Variants in HPS5 observed in about 807,000 individuals in gnomAD.
HPS5 encodes HPS5 biogenesis of lysosomal organelles complex 2 subunit 2, also known as BLOC-2 complex member HPS5.
HPS5 carries 83 observed loss-of-function variants against 128.0 expected under a neutral mutation model. The observed-to-expected ratio is 0.65, with a 90% CI of 0.54 to 0.78. The LOEUF (loss-of-function observed/expected upper bound fraction) is 0.78, where lower values mean the gene tolerates loss of function less well. Among genes scored for constraint, HPS5 ranks in the 30% least tolerant of loss-of-function variants. HPS5 has a pLI of 0.00. For synonymous variants in HPS5, 475 were observed against 470.2 expected (o/e 1.01, Z -0.13); for missense variants, 1,281 against 1,326.2 (o/e 0.97, Z 0.53).
chr11:18,306,817 C>G (rs1862423777), intron 6 of HPS5, among the ~76,000 whole-genome samples: 1 of 152,174 alleles, frequency 6.6e-6, no homozygotes, highest in Non-Finnish European at 1.5e-5. Context: ...CCTCAAAAAC[C>G]CAGGTCCTTC....
chr11:18,315,269 GCACA>G (rs1863478968), intron 2 of HPS5, among the ~76,000 whole-genome samples: 1 of 152,138 alleles, frequency 6.6e-6, no homozygotes, highest in African/African-American at 2.4e-5. Flanking sequence ...TCTCCACCAA[GCACA>G]GAGTGGGACT....
Position 18,279,699 on chromosome 11 carries a change from G to A in HPS5, c.*183C>T, listed in dbSNP as rs1268213574. The stretch of plus-strand genomic sequence containing the variant: ...TACAACTTTGGTTAAGAAACACTGA[G>A]GTCATGGATAAAGAGTCACAGATGC... On this transcript the variant is annotated 3_prime_UTR_variant, in exon 23 of 23. Coordinates refer to ENST00000349215, the MANE Select transcript of HPS5 (RefSeq NM_181507.2). 3.1e-6 allele frequency: 2 copies of A among 639,316 alleles called. No homozygotes were observed. The highest frequency in any genetic ancestry group is 5.6e-6 in the Non-Finnish European group (2 of 355,754). The allele number at this position is 639,316 out of a possible 1,614,324, so 39.6% of individuals were successfully genotyped here. A position where few individuals can be genotyped will look rare whatever the true frequency, so the allele number is the denominator to read the frequency against.
chr11:18,308,035 T>G (rs1862566348), intron 6 of HPS5, among the ~76,000 whole-genome samples: 1 of 152,176 alleles, frequency 6.6e-6, no homozygotes, highest in Non-Finnish European at 1.5e-5. Context: ...TCCTGAGAAA[T>G]ATGATAGCTG....
chr11:18,280,986 C>G (rs547817326), intron 22 of HPS5, among the ~76,000 whole-genome samples: 2 of 151,438 alleles, frequency 1.3e-5, no homozygotes, highest in South Asian at 4.1e-4. Flanking sequence ...CTTAATACCA[C>G]TGAGCTGAAT....
rs138066918 is a variant in HPS5 at position 18,298,923 on chromosome 11, G to C, written c.1033C>G (p.Leu345Val). Residue 345 changes from leucine to valine, a missense_variant, in exon 10 of 23, where the codon CTA (leucine) becomes GTA (valine). Coordinates refer to ENST00000349215, the MANE Select transcript of HPS5 (RefSeq NM_181507.2). ...VCRNELFCLH[L>V]NGKVSHLSLI... ...GAGAGATGTGAGACTTTCCCATTTAGGTGCAAACAGAACAATTCATTCCTA... is the reference window on the plus strand; with the variant it reads ...GAGAGATGTGAGACTTTCCCATTTACGTGCAAACAGAACAATTCATTCCTA... 6.2e-7 allele frequency: 1 copy of C among 1,614,142 alleles called. No individual in the cohort carries two copies. Among genetic ancestry groups the C allele is most frequent in the African/African-American group, 1.3e-5 (1 of 75,030 alleles).
intron 2 of HPS5, among the ~76,000 whole-genome samples, chr11:18,315,514 G>A (rs544894294): frequency 1.3e-5 from 2 of 152,068 alleles, no homozygotes; most frequent in East Asian, 1.9e-4. Flanking sequence ...TCTGGAGGCT[G>A]AGGCACAAGA....
At chr11:18,294,832 A>T (rs1000490514) in intron 14 of HPS5, among the ~76,000 whole-genome samples, 188 bp downstream of exon 14, 3 of 110,046 alleles carry the variant, frequency 2.7e-5, no homozygotes, top group East Asian at 5.0e-4. Flanking sequence ...ATGAGCTATT[A>T]AAAAAAAAAA....
chr11:18,321,536 C>G (rs1368523143), intron 1 of HPS5, among the ~76,000 whole-genome samples: 1 of 152,212 alleles, frequency 6.6e-6, no homozygotes, highest in Admixed American at 6.5e-5. Flanking sequence ...AATGGTAGAG[C>G]TGAGATTAGA....
chr11:18,281,855 G>A (rs1859009421), intron 22 of HPS5, 95 bp downstream of exon 22: 1 of 1,388,322 alleles, frequency 7.2e-7, no homozygotes, highest in South Asian at 1.2e-5. Flanking sequence ...TTAGTGATGG[G>A]TCGGGACTAA....
chr11:18,320,668 TC>T (rs1291169888), intron 1 of HPS5, among the ~76,000 whole-genome samples: 1 of 152,202 alleles, frequency 6.6e-6, no homozygotes, highest in African/African-American at 2.4e-5. Context: ...CATGACATTT[TC>T]CAACCCTCTG....
At chr11:18,305,857 G>A (rs190325044) in intron 7 of HPS5, among the ~76,000 whole-genome samples, 19 of 151,928 alleles carry the variant, frequency 1.3e-4, no homozygotes, top group African/African-American at 4.3e-4. Flanking sequence ...AGCCTCCCGA[G>A]TAGCTGGGAC....
At chr11:18,305,774 C>A (rs1862282487) in intron 7 of HPS5, among the ~76,000 whole-genome samples, 1 of 151,420 alleles carries the variant, frequency 6.6e-6, no homozygotes, top group African/African-American at 2.4e-5. Flanking sequence ...GCTCTGTCAC[C>A]CACGCTGGAG....
chr11:18,298,544 C>T (rs1331134309), intron 10 of HPS5, among the ~76,000 whole-genome samples: 1 of 151,884 alleles, frequency 6.6e-6, no homozygotes, highest in Non-Finnish European at 1.5e-5. Flanking sequence ...CGCAATTATC[C>T]CCCTTAAAAA....
intron 8 of HPS5, 31 bp downstream of exon 8, chr11:18,305,391 C>T (rs375094277): frequency 5.0e-5 from 69 of 1,387,026 alleles, no homozygotes; most frequent in Non-Finnish European, 6.3e-5. Context: ...ATTCTTTTTC[C>T]CCCCCAGAAC....
At chr11:18,301,950 A>C (rs1001742024) in intron 8 of HPS5, among the ~76,000 whole-genome samples, 5 of 152,020 alleles carry the variant, frequency 3.3e-5, no homozygotes, top group African/African-American at 1.2e-4. Context: ...TTCCTCCTCC[A>C]CTTATCTTCA....
intron 19 of HPS5, among the ~76,000 whole-genome samples, chr11:18,286,283 G>A (rs928755842): frequency 2.0e-5 from 3 of 152,150 alleles, no homozygotes; most frequent in African/African-American, 2.4e-5. Context: ...AGTGGCTCAC[G>A]CCTCTAATCC....
chr11:18,311,850 G>T, intron 3 of HPS5, 64 bp downstream of exon 3: 2 of 1,062,658 alleles, frequency 1.9e-6, no homozygotes, highest in Non-Finnish European at 3.0e-6. Flanking sequence ...TATTTATATT[G>T]GAGAAATTTG....
At chr11:18,321,877 T>C (rs1436461735) in intron 1 of HPS5, 69 bp downstream of exon 1, 1 of 152,248 alleles carries the variant, frequency 6.6e-6, no homozygotes, top group African/African-American at 2.4e-5. Context: ...AACACACCGC[T>C]AGAGACACAG....
chr11:18,281,487 C>T (rs935914139), intron 22 of HPS5, among the ~76,000 whole-genome samples: 1 of 151,800 alleles, frequency 6.6e-6, no homozygotes, highest in African/African-American at 2.4e-5. Flanking sequence ...GCAACCTCCA[C>T]CTTCCGAGTT....
Sources: gnomAD v4.1 joint callset for allele counts (sites outside exome capture counted in the v4.1 genomes callset) on GRCh38, gnomAD v4.1.1 for gene constraint, MANE v1.5 for transcripts, NCBI Gene and HGNC (gene_info 2026-07-23, HGNC 2026-07-21) for gene names.